The following FLT1 variants were observed in gnomAD, a reference collection of about 807,000 sequenced individuals.
The protein encoded by FLT1 is fms related receptor tyrosine kinase 1.
A neutral mutation model predicts 156.3 loss-of-function variants in FLT1; 49 were observed. The observed-to-expected ratio is 0.31, with a 90% CI of 0.25 to 0.40. FLT1 has a LOEUF of 0.40. Ranked by LOEUF, FLT1 falls within the 10% of genes least tolerant of loss-of-function variation. The pLI, the probability that FLT1 is intolerant of heterozygous loss-of-function variation, is 1.00. For synonymous variants in FLT1, 594 were observed against 583.8 expected, an observed-to-expected ratio of 1.02 and a Z score of -0.25; for missense variants, 1,322 against 1,637.2, an observed-to-expected ratio of 0.81 and a Z score of 3.32.
At chr13:28,436,958 G>A (rs1362845460) in intron 4 of FLT1, among the ~76,000 whole-genome samples, 2 of 152,182 alleles carry the variant, frequency 1.3e-5, no homozygotes, top group African/African-American at 4.8e-5. Flanking sequence ...TCAGAGTGCA[G>A]GCAATGTGGC....
intron 8 of FLT1, among the ~76,000 whole-genome samples, chr13:28,429,036 G>A (rs1217443544): frequency 6.6e-6 from 1 of 152,034 alleles, no homozygotes; most frequent in African/African-American, 2.4e-5. Context: ...AGATGAGCGT[G>A]CCCTCAGACA....
At chr13:28,463,753 T>C (rs975372013) in intron 3 of FLT1, among the ~76,000 whole-genome samples, 1 of 152,326 alleles carries the variant, frequency 6.6e-6, no homozygotes, top group East Asian at 1.9e-4. Context: ...GTCATGGAAG[T>C]GTTCGGTAAC....
At chr13:28,473,814 G>GAA (rs1225439639) in intron 1 of FLT1, among the ~76,000 whole-genome samples, 32 of 129,150 alleles carry the variant, frequency 2.5e-4, no homozygotes, top group African/African-American at 9.4e-4. Flanking sequence ...AAGAAAGAAA[G>GAA]AAAGAAAGAA....
intron 25 of FLT1, among the ~76,000 whole-genome samples, chr13:28,314,104 G>A (rs1249079284): frequency 6.6e-6 from 1 of 152,126 alleles, no homozygotes; most frequent in Non-Finnish European, 1.5e-5. Context: ...AGGCTGAGGC[G>A]GGAGGATCAC....
At position 28,324,348 on chromosome 13, in the gene FLT1, G is replaced by C. The variant is rs567401910; in HGVS notation, c.2797-1402C>G. Among the ~76,000 whole-genome samples, 13 of 152,214 alleles carry C rather than the reference G, an allele frequency of 8.5e-5. 1 individual carries two copies. The South Asian group carries it at 2.7e-3, about 32-fold the overall frequency. ...AACCCGCGTACCCCATCCTTCCTGG[G>C]CTTTTCTAGAAATGTCACAAAGCAA... On this transcript the variant is annotated intron_variant, in intron 20 of 29. Transcript: ENST00000282397.
intron 3 of FLT1, among the ~76,000 whole-genome samples, chr13:28,450,118 T>C (rs1445549048): frequency 2.0e-5 from 3 of 152,156 alleles, no homozygotes; most frequent in Non-Finnish European, 4.4e-5. Context: ...TCAGGACGTA[T>C]TATGTACCCA....
chr13:28,471,357 C>T lies in FLT1; in HGVS notation c.65-3740G>A, dbSNP rs191233503. 1.2e-3 allele frequency among the ~76,000 whole-genome samples: 175 copies of T among 152,060 alleles called. 2 individuals are homozygous for T. Among genetic ancestry groups the T allele is most frequent in the Admixed American group, 1.9e-3 (29 of 15,270 alleles). On this transcript the variant is annotated intron_variant, in intron 1 of 29. Coordinates refer to ENST00000282397, the MANE Select transcript of FLT1 (RefSeq NM_002019.4). Reference sequence around the variant, plus strand: ...TCAAGATTATAGTTTAACAGGAAAACGAATAAGAAAAAGGGAAAGTGAAAA... The same window carrying T: ...TCAAGATTATAGTTTAACAGGAAAATGAATAAGAAAAAGGGAAAGTGAAAA...
chr13:28,353,339 G>A (rs1197676124), intron 15 of FLT1, among the ~76,000 whole-genome samples: 1 of 152,090 alleles, frequency 6.6e-6, no homozygotes, highest in East Asian at 1.9e-4. Context: ...TTGGGAGGCC[G>A]AGGCGGGTGG....
intron 4 of FLT1, among the ~76,000 whole-genome samples, chr13:28,437,416 G>A (rs1284393234): frequency 6.6e-6 from 1 of 152,168 alleles, no homozygotes; most frequent in Non-Finnish European, 1.5e-5. Flanking sequence ...CACTTCCTGA[G>A]TGCCTGCTCT....
intron 27 of FLT1, among the ~76,000 whole-genome samples, chr13:28,309,391 T>C (rs561040334): frequency 7.9e-5 from 12 of 152,148 alleles, no homozygotes; most frequent in African/African-American, 2.9e-4. Context: ...TTGTATTTTG[T>C]GTGTGTGTGT....
In FLT1 at chr13:28,380,809, G is replaced by A. The variant is rs567758609; in HGVS notation, c.2116+4076C>T. On this transcript the variant is annotated intron_variant, in intron 14 of 29. Transcript: ENST00000282397. ...CTCACTGGACAATTTCTGTATAAAT[G>A]AGGTGGGTCAGAAGGCAGCATTGAA... 1.6e-4 allele frequency among the ~76,000 whole-genome samples: 24 copies of A among 152,272 alleles called. No individual in the cohort carries two copies. The South Asian group carries it at 5.0e-3, about 32-fold the overall frequency.
intron 3 of FLT1, among the ~76,000 whole-genome samples, chr13:28,447,627 C>A (rs988481034): frequency 6.6e-6 from 1 of 151,956 alleles, no homozygotes; most frequent in East Asian, 1.9e-4. Flanking sequence ...AACTTGCATG[C>A]TTCAAAGAAC....
At chr13:28,426,330 C>A (rs1026559689) in intron 10 of FLT1, among the ~76,000 whole-genome samples, 2 of 151,982 alleles carry the variant, frequency 1.3e-5, no homozygotes, top group African/African-American at 4.8e-5. Flanking sequence ...CTAGACTAAA[C>A]AAAAAGAGGA....
At chr13:28,313,539 T>A (rs7982283) in intron 25 of FLT1, among the ~76,000 whole-genome samples, 1 of 151,970 alleles carries the variant, frequency 6.6e-6, no homozygotes, top group Non-Finnish European at 1.5e-5. Context: ...AATTTGGCTC[T>A]GGGTGGGAAT....
At chr13:28,334,660 A>G (rs956398932) in intron 17 of FLT1, among the ~76,000 whole-genome samples, 2 of 152,228 alleles carry the variant, frequency 1.3e-5, no homozygotes, top group Non-Finnish European at 2.9e-5. Context: ...AAATATTTCC[A>G]GTCTTTCTAA....
chr13:28,361,955 G>A (rs762556240), intron 14 of FLT1, among the ~76,000 whole-genome samples: 5 of 152,210 alleles, frequency 3.3e-5, no homozygotes, highest in Non-Finnish European at 5.9e-5. Context: ...TCTAGAAGGA[G>A]AATACAGCTG....
chr13:28,478,276 G>A (rs184226984), intron 1 of FLT1, among the ~76,000 whole-genome samples: 248 of 152,286 alleles, frequency 1.6e-3, no homozygotes, highest in African/African-American at 5.5e-3. Flanking sequence ...CATGTGACTC[G>A]CAATCTAAAA....
chr13:28,405,689 A>T, intron 11 of FLT1, 91 bp downstream of exon 11: 1 of 808,106 alleles, frequency 1.2e-6, no homozygotes, highest in Non-Finnish European at 2.2e-6. Flanking sequence ...TTGAACATTT[A>T]AATTACTTCT....
chr13:28,324,809 C>G (rs1871608173), intron 20 of FLT1, among the ~76,000 whole-genome samples: 1 of 152,182 alleles, frequency 6.6e-6, no homozygotes, highest in Admixed American at 6.5e-5. Context: ...AAGTCACAGC[C>G]TAGGCATGTC....
Sources: gnomAD v4.1 joint callset for allele counts (sites outside exome capture counted in the v4.1 genomes callset) on GRCh38, gnomAD v4.1.1 for gene constraint, MANE v1.5 for transcripts, NCBI Gene and HGNC (gene_info 2026-07-23, HGNC 2026-07-21) for gene names.